The following PPP1R16B variants were observed in gnomAD, a reference collection of about 807,000 sequenced individuals.
PPP1R16B encodes protein phosphatase 1 regulatory inhibitor subunit 16B.
PPP1R16B carries 14 observed loss-of-function variants against 61.7 expected under a neutral mutation model. The ratio of observed to expected loss-of-function variants is 0.23; its 90% CI spans 0.15 to 0.35. The LOEUF (loss-of-function observed/expected upper bound fraction) is 0.35. Among genes scored for constraint, PPP1R16B ranks in the 10% least tolerant of loss-of-function variants. The pLI, the probability that PPP1R16B is intolerant of heterozygous loss-of-function variation, is 1.00. For synonymous variants in PPP1R16B, 266 were observed against 305.3 expected, an observed-to-expected ratio of 0.87 and a Z score of 1.34; for missense variants, 547 against 752.5, an observed-to-expected ratio of 0.73 and a Z score of 3.19.
At chr20:38,877,818 A>G (rs2085178168) in intron 2 of PPP1R16B, among the ~76,000 whole-genome samples, 1 of 152,140 alleles carries the variant, frequency 6.6e-6, no homozygotes, top group South Asian at 2.1e-4. Flanking sequence ...TCAGAATTCC[A>G]TTCTTCATAA....
Position 38,874,715 on chromosome 20 carries a change from C to T in PPP1R16B, c.251-14880C>T, listed in dbSNP as rs114810566. On this transcript the variant is annotated intron_variant, in intron 2 of 10. Coordinates refer to ENST00000299824, the MANE Select transcript of PPP1R16B (RefSeq NM_015568.4). ...AAACAGGAAGGCTTTGGGCTGCATG[C>T]AGATCCCCAACTCTTAAAACCTGGG... Among the ~76,000 whole-genome samples, 407 of 152,286 alleles carry T rather than the reference C, an allele frequency of 2.7e-3. 2 individuals are homozygous for T. Among genetic ancestry groups the T allele is most frequent in the African/African-American group, 9.1e-3 (378 of 41,556 alleles).
At chr20:38,883,385 G>A (rs2085217294) in intron 2 of PPP1R16B, among the ~76,000 whole-genome samples, 1 of 152,274 alleles carries the variant, frequency 6.6e-6, no homozygotes, top group African/African-American at 2.4e-5. Flanking sequence ...TGCAAAGGCA[G>A]CCGCCACCAG....
In PPP1R16B at chr20:38,895,676, G is replaced by A. The variant is rs759604187; in HGVS notation, c.433G>A (p.Gly145Ser). 15 of 1,613,980 alleles carry A rather than the reference G, an allele frequency of 9.3e-6. No homozygotes were observed. Among genetic ancestry groups the A allele is most frequent in the East Asian group, 2.2e-5 (1 of 44,888 alleles). Residue 145 changes from glycine to serine, a missense_variant, in exon 4 of 11, where the codon GGC becomes AGC. Transcript: ENST00000299824. ...ACCTCTCCATGCTGCAGCCACCTGC[G>A]GCCACATCAACCTGGTGAAGATCCT... ...WTPLHAAATC[G>S]HINLVKILVQ...
At chr20:38,811,503 T>C (rs914016512) in intron 1 of PPP1R16B, among the ~76,000 whole-genome samples, 2 of 152,250 alleles carry the variant, frequency 1.3e-5, no homozygotes, top group African/African-American at 4.8e-5. Flanking sequence ...TAAGGATTTG[T>C]AATCATATGG....
rs747579063 is a variant in PPP1R16B, at chr20:38,907,164, CTAGA to C, written c.898+120_898+123del. On this transcript the variant is annotated intron_variant, in intron 8 of 10. Transcript: ENST00000299824. The surrounding 1 kb of genome is among the most constrained non-coding windows in gnomAD (Gnocchi z 4.5). ...GTTGTATAGATTGATGGATTGGTGT[CTAGA>C]TAGATAGATGGATTAATTAATGGAT... The C allele has an allele frequency of 3.2e-5, 27 of 840,426 alleles. No individual in the cohort carries two copies. Among genetic ancestry groups the C allele is most frequent in the African/African-American group, 1.5e-4 (9 of 59,900 alleles). 52.1% of individuals were successfully genotyped at this position (840,426 alleles called of 1,614,324 possible).
chr20:38,897,961 T>G (rs2085362469), intron 4 of PPP1R16B, among the ~76,000 whole-genome samples: 1 of 152,234 alleles, frequency 6.6e-6, no homozygotes, highest in African/African-American at 2.4e-5. Context: ...TTTTTGTCAT[T>G]GAATTTTAGG....
chr20:38,811,642 C>G (rs1438816665), intron 1 of PPP1R16B, among the ~76,000 whole-genome samples: 1 of 152,188 alleles, frequency 6.6e-6, no homozygotes, highest in African/African-American at 2.4e-5. Context: ...GTTTCATCCA[C>G]TAGACCTGTG....
At chr20:38,905,056 C>T (rs1421527177) in intron 6 of PPP1R16B, among the ~76,000 whole-genome samples, 4 of 152,222 alleles carry the variant, frequency 2.6e-5, no homozygotes, top group Non-Finnish European at 5.9e-5. Context: ...GTGGCCATGA[C>T]TGAAGGCCTT....
chr20:38,820,306 C>T (rs1427009493), intron 1 of PPP1R16B, among the ~76,000 whole-genome samples: 1 of 152,216 alleles, frequency 6.6e-6, no homozygotes, highest in Admixed American at 6.5e-5. Flanking sequence ...TGCCTGTAAT[C>T]CCAGCACTTT....
Position 38,922,274 on chromosome 20 carries a change from A to G in PPP1R16B, c.*3608A>G, listed in dbSNP as rs902648353. Reference sequence around the variant, plus strand: ...GCCCCACCGGTTTGCTGGCTTTGTAATAACATAAGACCATTGTGGTTGTTG... The same window carrying G: ...GCCCCACCGGTTTGCTGGCTTTGTAGTAACATAAGACCATTGTGGTTGTTG... On this transcript the variant is annotated 3_prime_UTR_variant, in exon 11 of 11. Transcript: ENST00000299824. The G allele has an allele frequency of 1.3e-5, 2 of 152,792 alleles. No individual in the cohort carries two copies. The highest frequency in any genetic ancestry group is 4.8e-5 in the African/African-American group (2 of 41,456). The allele number at this position is 152,792 out of a possible 1,614,324, so 9.5% of individuals were successfully genotyped here.
intron 1 of PPP1R16B, among the ~76,000 whole-genome samples, chr20:38,813,773 T>C (rs574980137): frequency 0.046 from 5,578 of 120,558 alleles, 130 homozygotes; most frequent in Admixed American, 0.078. Flanking sequence ...TCATCATTAT[T>C]ATTATTATTA....
chr20:38,863,326 C>T (rs2085067267), intron 2 of PPP1R16B, among the ~76,000 whole-genome samples: 1 of 152,196 alleles, frequency 6.6e-6, no homozygotes. Flanking sequence ...ATGAACTTGG[C>T]TGGTGTCATG....
chr20:38,858,395 C>G (rs1451971353), intron 2 of PPP1R16B, among the ~76,000 whole-genome samples: 1 of 152,022 alleles, frequency 6.6e-6, no homozygotes, highest in Non-Finnish European at 1.5e-5. Context: ...AGCCCATTCC[C>G]GTGGCCTGGC....
intron 2 of PPP1R16B, among the ~76,000 whole-genome samples, chr20:38,861,193 C>G (rs1465582981): frequency 6.6e-6 from 1 of 152,218 alleles, no homozygotes; most frequent in African/African-American, 2.4e-5. Flanking sequence ...GTCACTCAAC[C>G]TCTCTGAGTC....
intron 10 of PPP1R16B, among the ~76,000 whole-genome samples, chr20:38,910,311 C>T (rs2085478118): frequency 6.6e-6 from 1 of 152,094 alleles, no homozygotes; most frequent in East Asian, 1.9e-4. Context: ...AGATTTTCAA[C>T]AACCTTTTAC....
chr20:38,895,768 T>G, intron 4 of PPP1R16B, 58 bp downstream of exon 4: 1 of 1,536,972 alleles, frequency 6.5e-7, no homozygotes, highest in Non-Finnish European at 8.9e-7. Context: ...TTTTTCCAAC[T>G]TCCTTCTTTC....
At chr20:38,906,205 A>G in intron 7 of PPP1R16B, 111 bp downstream of exon 7, 1 of 1,202,760 alleles carries the variant, frequency 8.3e-7, no homozygotes, top group Non-Finnish European at 1.1e-6. Flanking sequence ...TTAAGGCTTA[A>G]GGTGTTGAAT....
At chr20:38,878,248 C>G (rs993480341) in intron 2 of PPP1R16B, among the ~76,000 whole-genome samples, 4 of 152,104 alleles carry the variant, frequency 2.6e-5, no homozygotes, top group Non-Finnish European at 5.9e-5. Context: ...CAGGCAGACA[C>G]TTGTTCATGT....
In PPP1R16B at chr20:38,894,511, G is replaced by A. The variant is rs1254421676; in HGVS notation, c.322-1054G>A. Among the ~76,000 whole-genome samples the A allele has an allele frequency of 2.0e-5, 3 of 152,208 alleles. No homozygotes were observed. In the East Asian group the frequency reaches 5.8e-4, roughly 29 times the overall value. ...ATCTGTTCTCCACGTGTAATCAGAG[G>A]AGCAGTTGTTTTTAAAAGCAATTCT... On this transcript the variant is annotated intron_variant, in intron 3 of 10. Coordinates refer to ENST00000299824, the MANE Select transcript of PPP1R16B (RefSeq NM_015568.4).
Sources: gnomAD v4.1 joint callset for allele counts (sites outside exome capture counted in the v4.1 genomes callset) on GRCh38, gnomAD v4.1.1 for gene constraint, Gnocchi (gnomAD v3.1) non-coding constraint, MANE v1.5 for transcripts, NCBI Gene and HGNC (gene_info 2026-07-23, HGNC 2026-07-21) for gene names.